Variants in RCOR1 observed in about 807,000 individuals in gnomAD.
RCOR1 encodes REST corepressor 1.
Under a neutral mutation model 64.0 loss-of-function variants are expected in RCOR1, and 12 were observed. That is an observed-to-expected ratio of 0.19 (90% CI 0.12 to 0.30). RCOR1 has a LOEUF of 0.30. RCOR1 is among the 10% of genes least tolerant of loss of function. The pLI is 1.00. For synonymous variants in RCOR1, 279 were observed against 227.2 expected (o/e 1.23, Z -2.05); for missense variants, 502 against 621.2 (o/e 0.81, Z 2.04).
At chr14:102,691,241 A>G (rs1283836348) in intron 3 of RCOR1, among the ~76,000 whole-genome samples, 1 of 152,066 alleles carries the variant, frequency 6.6e-6, no homozygotes, top group Non-Finnish European at 1.5e-5. Flanking sequence ...CTCACTTACA[A>G]GTGGGAGCTA....
At chr14:102,598,285 C>T (rs750259083) in intron 2 of RCOR1, among the ~76,000 whole-genome samples, 14 of 152,038 alleles carry the variant, frequency 9.2e-5, no homozygotes, top group African/African-American at 2.2e-4. Flanking sequence ...TACTTATTTG[C>T]GGTATGCCAG....
chr14:102,603,212 T>C (rs2139882129), intron 2 of RCOR1, among the ~76,000 whole-genome samples: 1 of 152,206 alleles, frequency 6.6e-6, no homozygotes, highest in Non-Finnish European at 1.5e-5. Context: ...TCTGGAGTAG[T>C]TTGGACTACA....
chr14:102,705,381 T>A (rs1555467295), intron 4 of RCOR1, among the ~76,000 whole-genome samples: 1 of 152,220 alleles, frequency 6.6e-6, no homozygotes, highest in Non-Finnish European at 1.5e-5. Flanking sequence ...TACTAAATCT[T>A]TCTTTCTAGA....
intron 2 of RCOR1, among the ~76,000 whole-genome samples, chr14:102,609,472 C>G (rs1893581436): frequency 6.6e-6 from 1 of 152,068 alleles, no homozygotes; most frequent in East Asian, 1.9e-4. Context: ...TGGAGTCTCA[C>G]TCTGTTGTCC....
rs1446596830 is a variant in RCOR1, at chr14:102,721,191, A to G, written c.1131+107A>G. On this transcript the variant is annotated intron_variant, in intron 9 of 11. Transcript: ENST00000262241. Reference sequence around the variant, plus strand: ...CAGTATACATCTCTTGGAAGAGTATATGGACATAATTTTATGAACCCAGTT... The same window carrying G: ...CAGTATACATCTCTTGGAAGAGTATGTGGACATAATTTTATGAACCCAGTT... 1.2e-5 allele frequency: 13 copies of G among 1,068,602 alleles called. No individual in the cohort carries two copies. In the South Asian group the frequency reaches 1.7e-4, roughly 14 times the overall value. The allele number at this position is 1,068,602 out of a possible 1,614,324, so 66.2% of individuals were successfully genotyped here. A position where few individuals can be genotyped will look rare whatever the true frequency, so the allele number is the denominator to read the frequency against.
chr14:102,690,433 A>C lies in RCOR1; in HGVS notation c.445+8455A>C, dbSNP rs370376455. Among the ~76,000 whole-genome samples, 6 of 152,194 alleles carry C rather than the reference A, an allele frequency of 3.9e-5. No homozygotes were observed. The East Asian group carries it at 5.8e-4, about 15-fold the overall frequency. On this transcript the variant is annotated intron_variant, in intron 3 of 11. Transcript: ENST00000262241. ...GGCAGCATGGCAAAACTCCATCTCTACAAAAAAATTAACCAGTCATGATGG... is the reference window on the plus strand; with the variant it reads ...GGCAGCATGGCAAAACTCCATCTCTCCAAAAAAATTAACCAGTCATGATGG...
intron 2 of RCOR1, among the ~76,000 whole-genome samples, chr14:102,613,578 G>A (rs1326091126): frequency 2.4e-4 from 37 of 151,198 alleles, no homozygotes; most frequent in African/African-American, 8.0e-4. Flanking sequence ...GACTACAGGC[G>A]CCCGCCACTG....
intron 2 of RCOR1, among the ~76,000 whole-genome samples, chr14:102,632,763 C>CCCTCT (rs1396762031): frequency 0.05 from 1,585 of 31,848 alleles, 198 homozygotes; most frequent in Non-Finnish European, 0.077. Flanking sequence ...CCCTCCCCTC[C>CCCTCT]CCTCCCCTCT....
chr14:102,610,302 G>C (rs953179343), intron 2 of RCOR1, among the ~76,000 whole-genome samples: 4 of 151,994 alleles, frequency 2.6e-5, no homozygotes, highest in Admixed American at 2.6e-4. Context: ...TAGTTATCTA[G>C]AGCTGTGCTG....
Position 102,724,609 on chromosome 14 carries a change from A to G in RCOR1, c.1420-1859A>G, listed in dbSNP as rs149309694. Among the ~76,000 whole-genome samples the G allele has an allele frequency of 7.5e-3, 1,143 of 152,340 alleles. 5 individuals are homozygous for G. Among genetic ancestry groups the G allele is most frequent in the Non-Finnish European group, 0.011 (768 of 68,028 alleles). Reference sequence around the variant, plus strand: ...CTGCCTCCCAAAGTGCTGGGATTACAGGCATGAGCCACCGTGCCCGGCCTA... The same window carrying G: ...CTGCCTCCCAAAGTGCTGGGATTACGGGCATGAGCCACCGTGCCCGGCCTA... On this transcript the variant is annotated intron_variant, in intron 11 of 11. Transcript: ENST00000262241.
intron 3 of RCOR1, among the ~76,000 whole-genome samples, chr14:102,688,693 C>T (rs1895469931): frequency 6.6e-6 from 1 of 152,136 alleles, no homozygotes; most frequent in Admixed American, 6.5e-5. Context: ...TTTAACATGC[C>T]TGTAAAGACT....
intron 8 of RCOR1, among the ~76,000 whole-genome samples, chr14:102,716,061 T>C (rs1896063760): frequency 6.6e-6 from 1 of 152,178 alleles, no homozygotes; most frequent in South Asian, 2.1e-4. Flanking sequence ...CATTGCCATA[T>C]TTTGGTAGTC....
chr14:102,644,242 G>T (rs1202038403), intron 2 of RCOR1, among the ~76,000 whole-genome samples: 1 of 152,238 alleles, frequency 6.6e-6, no homozygotes, highest in African/African-American at 2.4e-5. Flanking sequence ...TCCAAAGCAA[G>T]TATCGCAAGA....
In RCOR1 at chr14:102,726,587, C is replaced by A; in HGVS notation, c.*81C>A. On this transcript the variant is annotated 3_prime_UTR_variant, in exon 12 of 12. Transcript: ENST00000262241. ...GTATTATGAGACATCACCTAGCCAT[C>A]TGCATCACATCTCTCTGGACAAGCA... 1 of 1,157,870 alleles carries A rather than the reference C, an allele frequency of 8.6e-7. No homozygotes were observed. Among genetic ancestry groups the A allele is most frequent in the Non-Finnish European group, 1.3e-6 (1 of 791,080 alleles). The allele number at this position is 1,157,870 out of a possible 1,614,324, so 71.7% of individuals were successfully genotyped here.
chr14:102,649,196 T>C (rs144481650), intron 2 of RCOR1, among the ~76,000 whole-genome samples: 2 of 152,146 alleles, frequency 1.3e-5, no homozygotes, highest in African/African-American at 4.8e-5. Context: ...GTAAAACAAA[T>C]TGTACAAGAA....
At chr14:102,655,491 T>A (rs1381687928) in intron 2 of RCOR1, 1 of 980,032 alleles carries the variant, frequency 1.0e-6, no homozygotes, top group Non-Finnish European at 1.2e-6. Flanking sequence ...TTTTTTATAG[T>A]CTTAATTTTT....
chr14:102,620,806 C>G (rs1459741758), intron 2 of RCOR1, among the ~76,000 whole-genome samples: 1 of 152,058 alleles, frequency 6.6e-6, no homozygotes, highest in Non-Finnish European at 1.5e-5. Context: ...AAGTGAAAGC[C>G]CTCACCGTGG....
At chr14:102,654,897 C>G (rs1894690756) in intron 2 of RCOR1, among the ~76,000 whole-genome samples, 1 of 147,224 alleles carries the variant, frequency 6.8e-6, no homozygotes, top group Non-Finnish European at 1.5e-5. Flanking sequence ...CAGTGTCAGT[C>G]TCCTGGGCTT....
chr14:102,646,672 A>G (rs907603587), intron 2 of RCOR1, among the ~76,000 whole-genome samples: 1 of 152,240 alleles, frequency 6.6e-6, no homozygotes, highest in Non-Finnish European at 1.5e-5. Flanking sequence ...GGAAATGTGA[A>G]TAAGGACTGT....
Sources: gnomAD v4.1 joint callset for allele counts (sites outside exome capture counted in the v4.1 genomes callset) on GRCh38, gnomAD v4.1.1 for gene constraint, MANE v1.5 for transcripts, NCBI Gene and HGNC (gene_info 2026-07-23, HGNC 2026-07-21) for gene names.